ARL6IP1: variants seen among roughly 807,000 people sequenced by gnomAD.
The protein encoded by ARL6IP1 is ADP-ribosylation factor-like protein 6-interacting protein 1.
In ARL6IP1, 16 loss-of-function variants were observed where a neutral mutation model predicts 30.1. The ratio of observed to expected loss-of-function variants is 0.53; its 90% CI spans 0.36 to 0.81. The LOEUF (loss-of-function observed/expected upper bound fraction) is 0.81. Ranked by LOEUF, ARL6IP1 falls within the 30% of genes least tolerant of loss-of-function variation. The pLI is 0.01. For synonymous variants in ARL6IP1, 72 were observed against 84.8 expected, an observed-to-expected ratio of 0.85 and a Z score of 0.83; for missense variants, 173 against 242.7, an observed-to-expected ratio of 0.71 and a Z score of 1.91.
chr16:18,795,635 C>T lies in ARL6IP1; in HGVS notation c.291-54G>A, dbSNP rs968850220. 3 of 1,131,806 alleles carry T rather than the reference C, an allele frequency of 2.7e-6. No homozygotes were observed. In the African/African-American group the frequency reaches 4.6e-5, roughly 17 times the overall value. 70.1% of individuals were successfully genotyped at this position (1,131,806 alleles called of 1,614,324 possible). On this transcript the variant is annotated intron_variant, in intron 3 of 5. Coordinates refer to ENST00000304414, the MANE Select transcript of ARL6IP1 (RefSeq NM_015161.3). ...AACAAATCGTTACAGTAGACAAAAA[C>T]ATGACACCCTGTTCAATTTAAGAGC...
intron 1 of ARL6IP1, among the ~76,000 whole-genome samples, chr16:18,800,994 C>T (rs2030388912): frequency 6.6e-6 from 1 of 152,226 alleles, no homozygotes; most frequent in African/African-American, 2.4e-5. Context: ...GGGCAGTAGC[C>T]CTTTGACCCT....
rs760427693 is a variant in ARL6IP1, at chr16:18,793,248, T to C, written c.*4A>G. On this transcript the variant is annotated 3_prime_UTR_variant, in exon 6 of 6. Transcript: ENST00000304414. ...CATTAATCACACTGATTAAAGCAGA[T>C]GAATCATTCGTTTTTCTTTTCTTTT... The C allele has an allele frequency of 1.9e-6, 3 of 1,589,598 alleles. No homozygotes were observed. The highest frequency in any genetic ancestry group is 2.6e-6 in the Non-Finnish European group (3 of 1,159,964).
chr16:18,793,198 A>G lies in ARL6IP1; in HGVS notation c.*54T>C, dbSNP rs1247654285. On this transcript the variant is annotated 3_prime_UTR_variant, in exon 6 of 6. Coordinates refer to ENST00000304414, the MANE Select transcript of ARL6IP1 (RefSeq NM_015161.3). ...TTAGTATCCAGATAGTACAGCAGAAACGGTTCCCGGGGCAATGGGTGCTGC... is the reference window on the plus strand; with the variant it reads ...TTAGTATCCAGATAGTACAGCAGAAGCGGTTCCCGGGGCAATGGGTGCTGC... 1.7e-6 allele frequency: 2 copies of G among 1,192,068 alleles called. No homozygotes were observed. Among genetic ancestry groups the G allele is most frequent in the Non-Finnish European group, 2.5e-6 (2 of 812,596 alleles). The allele number at this position is 1,192,068 out of a possible 1,614,324, so 73.8% of individuals were successfully genotyped here.
intron 3 of ARL6IP1, among the ~76,000 whole-genome samples, chr16:18,796,082 C>A (rs1485049691): frequency 6.6e-6 from 1 of 152,152 alleles, no homozygotes; most frequent in Admixed American, 6.5e-5. Flanking sequence ...GACAAGGCAG[C>A]AATAAACAGC....
rs199651041 is a variant in ARL6IP1, at chr16:18,798,017, A to G, written c.198T>C (p.Val66=). 4 of 1,613,326 alleles carry G rather than the reference A, an allele frequency of 2.5e-6. No homozygotes were observed. Among genetic ancestry groups the G allele is most frequent in the Non-Finnish European group, 3.4e-6 (4 of 1,179,662 alleles). Residue 66 remains valine (V), a synonymous_variant, in exon 3 of 6, where the codon GTT becomes GTC. Coordinates refer to ENST00000304414, the MANE Select transcript of ARL6IP1 (RefSeq NM_015161.3). ...TAACAAAACAGGAAACGCCGGACAGAACAGATGGATCTAGATAGTAGATAA... is the reference window on the plus strand; with the variant it reads ...TAACAAAACAGGAAACGCCGGACAGGACAGATGGATCTAGATAGTAGATAA... The part of the protein sequence containing the change: ...FLIIYYLDPS[V]LSGVSCFVMF...
intron 1 of ARL6IP1, among the ~76,000 whole-genome samples, chr16:18,799,971 CG>C (rs1411565326): frequency 2.0e-5 from 3 of 152,016 alleles, no homozygotes; most frequent in Admixed American, 6.6e-5. Context: ...CTTGGCGGGT[CG>C]GGGGGGATTG....
At chr16:18,797,884 A>G (rs1596947752) in intron 3 of ARL6IP1, 41 bp downstream of exon 3, 1 of 1,597,922 alleles carries the variant, frequency 6.3e-7, no homozygotes, top group Non-Finnish European at 8.5e-7. Context: ...AAGTTCAGTA[A>G]CTACACAAAA....
intron 1 of ARL6IP1, among the ~76,000 whole-genome samples, chr16:18,800,442 T>A (rs1026650428): frequency 1.3e-5 from 2 of 152,206 alleles, no homozygotes; most frequent in African/African-American, 4.8e-5. Flanking sequence ...TACTTCTCTG[T>A]GCTTCAATTA....
chr16:18,796,067 C>G (rs554780650), intron 3 of ARL6IP1, among the ~76,000 whole-genome samples: 2 of 152,294 alleles, frequency 1.3e-5, no homozygotes, highest in South Asian at 2.1e-4. Flanking sequence ...CTTCATACAT[C>G]TGATGACAAG....
intron 1 of ARL6IP1, chr16:18,801,134 C>T: frequency 3.0e-6 from 4 of 1,323,330 alleles, no homozygotes; most frequent in Admixed American, 3.2e-5. Flanking sequence ...AGGCCTTCTG[C>T]CCCCACCCGC....
In ARL6IP1 at chr16:18,793,137, G is replaced by C; in HGVS notation, c.*115C>G. On this transcript the variant is annotated 3_prime_UTR_variant, in exon 6 of 6. Transcript: ENST00000304414. ...TCTGAATTTCTATTAACTAAGGGCA[G>C]AGTGAGGGAGAACAAAGAGCTACTT... The C allele has an allele frequency of 1.5e-6, 1 of 684,130 alleles. No homozygotes were observed. Among genetic ancestry groups the C allele is most frequent in the Non-Finnish European group, 2.5e-6 (1 of 400,214 alleles). 42.4% of individuals were successfully genotyped at this position (684,130 alleles called of 1,614,324 possible).
At chr16:18,798,417 CAT>C (rs1265874732) in intron 2 of ARL6IP1, 1 of 363,244 alleles carries the variant, frequency 2.8e-6, no homozygotes, top group African/African-American at 2.1e-5. Flanking sequence ...ACATTCTACA[CAT>C]GTTTCCCAGA....
intron 5 of ARL6IP1, 96 bp downstream of exon 5, chr16:18,794,503 G>A: frequency 3.6e-6 from 3 of 827,556 alleles, no homozygotes; most frequent in Non-Finnish European, 6.0e-6. Flanking sequence ...CCTTTTCGGT[G>A]TCTAAAACTT....
intron 3 of ARL6IP1, chr16:18,797,660 TTTGTG>T (rs2030282313): frequency 3.9e-6 from 1 of 256,600 alleles, no homozygotes; most frequent in South Asian, 1.1e-4. Context: ...TCAAAAATAA[TTTGTG>T]AAGTTATTAT....
rs2030108487 is a variant in ARL6IP1 at position 18,793,029 on chromosome 16, A to C, written c.*223T>G. On this transcript the variant is annotated 3_prime_UTR_variant, in exon 6 of 6. Transcript: ENST00000304414. ...GGTAAGAAAAGTCAAAACACTAATG[A>C]GTTGTCCATGAAGCCAACTGCTAAG... is the stretch of plus-strand genomic sequence containing the variant. 5.2e-6 allele frequency: 2 copies of C among 382,708 alleles called. No homozygotes were observed. 23.7% of individuals were successfully genotyped at this position (382,708 alleles called of 1,614,324 possible).
At chr16:18,793,471 G>C (rs2141867489) in intron 5 of ARL6IP1, 101 bp from the exon 6 acceptor site, 1 of 673,590 alleles carries the variant, frequency 1.5e-6, no homozygotes, top group East Asian at 3.1e-5. Context: ...CACTTTTGTT[G>C]CCCAGGCTGG....
At position 18,801,531 on chromosome 16, in the gene ARL6IP1, C is replaced by CG. The variant is rs1156824412; in HGVS notation, c.-66dup. On this transcript the variant is annotated 5_prime_UTR_variant, in exon 1 of 6. Coordinates refer to ENST00000304414, the MANE Select transcript of ARL6IP1 (RefSeq NM_015161.3). ...CCCAACGAGTCCTCCAACCGAAACC[C>CG]GCACACCAACCACAACCCGAGGGAA... 1.3e-6 allele frequency: 2 copies of CG among 1,587,138 alleles called. No homozygotes were observed. Among genetic ancestry groups the CG allele is most frequent in the Non-Finnish European group, 1.7e-6 (2 of 1,167,736 alleles).
In ARL6IP1 at chr16:18,794,645, A is replaced by G; in HGVS notation, c.447T>C (p.Ala149=). The change falls in exon 5 of 6, where the codon GCT becomes GCC. Residue 149 remains alanine, a synonymous_variant. Transcript: ENST00000304414. The stretch of plus-strand genomic sequence containing the variant: ...GGTTGTGGACTTGTTGTCCCACCCA[A>G]GCAACCGCAGCAAGGGAAACGATCA... The part of the protein sequence containing the change: ...MTMIVSLAAV[A]WVGQQVHNLL... The G allele has an allele frequency of 1.9e-6, 3 of 1,613,572 alleles. No individual in the cohort carries two copies. Among genetic ancestry groups the G allele is most frequent in the Non-Finnish European group, 2.5e-6 (3 of 1,179,632 alleles).
intron 1 of ARL6IP1, chr16:18,801,057 G>T: frequency 1.7e-6 from 1 of 605,384 alleles, no homozygotes; most frequent in South Asian, 3.8e-5. Flanking sequence ...TCCAGGTTAA[G>T]ATCAAAGACG....
Sources: allele counts gnomAD v4.1 joint callset (sites outside exome capture counted in the v4.1 genomes callset), GRCh38; gene constraint gnomAD v4.1.1; transcripts MANE v1.5; gene names NCBI Gene and HGNC (gene_info 2026-07-23, HGNC 2026-07-21).